Variants in DOCK1 observed in about 807,000 individuals in gnomAD.
DOCK1 encodes dedicator of cytokinesis 1, also known as dedicator of cytokinesis protein 1.
DOCK1 carries 138 observed loss-of-function variants against 262.7 expected under a neutral mutation model. The ratio of observed to expected loss-of-function variants is 0.53; its 90% CI spans 0.46 to 0.61. The LOEUF (loss-of-function observed/expected upper bound fraction) is 0.61, where lower values mean the gene tolerates loss of function less well. DOCK1 is among the 20% of genes least tolerant of loss of function. DOCK1 has a pLI of 0.00. For synonymous variants in DOCK1, 866 were observed against 867.4 expected (o/e 1.00, Z 0.03); for missense variants, 1,908 against 2,370.7 (o/e 0.80, Z 4.05).
chr10:126,986,906 T>C (rs2039441209), intron 4 of DOCK1, among the ~76,000 whole-genome samples: 1 of 152,046 alleles, frequency 6.6e-6, no homozygotes, highest in African/African-American at 2.4e-5. Flanking sequence ...CGAGACACCG[T>C]TTCAAAAAAG....
At chr10:127,368,015 C>A (rs2065019056) in intron 33 of DOCK1, among the ~76,000 whole-genome samples, 1 of 152,180 alleles carries the variant, frequency 6.6e-6, no homozygotes, top group Admixed American at 6.5e-5. Flanking sequence ...CACTCTTGTG[C>A]CACTTCCCTG....
intron 27 of DOCK1, among the ~76,000 whole-genome samples, chr10:127,177,701 C>G (rs564048787): frequency 1.3e-5 from 2 of 152,334 alleles, no homozygotes; most frequent in Admixed American, 6.5e-5. Flanking sequence ...AAAACCAGCC[C>G]AGAGACCTGT....
chr10:126,940,216 T>A (rs2034883555), intron 1 of DOCK1, among the ~76,000 whole-genome samples: 1 of 152,198 alleles, frequency 6.6e-6, no homozygotes. Flanking sequence ...TATTTGGGGA[T>A]TCAGTGATTT....
intron 27 of DOCK1, among the ~76,000 whole-genome samples, chr10:127,157,484 AC>A (rs2053196369): frequency 6.6e-6 from 1 of 152,208 alleles, no homozygotes; most frequent in Admixed American, 6.5e-5. Context: ...ACACTTCTTG[AC>A]TTTTACTCTC....
In DOCK1 at chr10:127,175,328, G is replaced by A. The variant is rs1425326584; in HGVS notation, c.2847+47564G>A. 9 of 1,613,902 alleles carry A rather than the reference G, an allele frequency of 5.6e-6. No homozygotes were observed. The highest frequency in any genetic ancestry group is 7.6e-6 in the Non-Finnish European group (9 of 1,180,026). ...TCATCTGAAGTTGTGCTTTGAGGTC[G>A]ACCACTTCCGTATGAGGCACGATTC... On this transcript the variant is annotated intron_variant, in intron 27 of 51. Transcript: ENST00000623213. This position sits in a 1 kb window ranked among gnomAD's most constrained non-coding sequence, Gnocchi z 6.3.
intron 26 of DOCK1, among the ~76,000 whole-genome samples, chr10:127,126,081 T>C (rs1277194971): frequency 8.3e-6 from 1 of 120,202 alleles, no homozygotes; most frequent in Admixed American, 1.0e-4. Context: ...AGCTCTACCC[T>C]ATTCCTTTTT....
At chr10:127,311,024 T>A (rs1283802213) in intron 29 of DOCK1, among the ~76,000 whole-genome samples, 3 of 152,226 alleles carry the variant, frequency 2.0e-5, no homozygotes. Context: ...TACAGAGATA[T>A]TTGAAGATGA....
rs74547837 is a variant in DOCK1, at chr10:127,408,483, C to T, written c.4123-554C>T. ...CTCGGCTCTGGTCTGCATCCCTTCC[C>T]CTCGGGTTCTGCTCGCCTCGGCTGT... On this transcript the variant is annotated intron_variant, in intron 40 of 51. Coordinates refer to ENST00000623213, the MANE Select transcript of DOCK1 (RefSeq NM_001290223.2). Among the ~76,000 whole-genome samples the T allele has an allele frequency of 2.5e-3, 387 of 152,326 alleles. 2 individuals are homozygous for T. Among genetic ancestry groups the T allele is most frequent in the African/African-American group, 8.9e-3 (369 of 41,570 alleles).
intron 23 of DOCK1, among the ~76,000 whole-genome samples, chr10:127,096,662 A>G (rs1485671320): frequency 6.6e-6 from 1 of 151,820 alleles, no homozygotes; most frequent in East Asian, 1.9e-4. Flanking sequence ...ATTAATCATC[A>G]TCATCAGTAA....
At chr10:126,972,221 C>T (rs893470073) in intron 2 of DOCK1, among the ~76,000 whole-genome samples, 1 of 152,152 alleles carries the variant, frequency 6.6e-6, no homozygotes, top group East Asian at 1.9e-4. Context: ...CGTCCTGAAG[C>T]AATTGTTATA....
intron 1 of DOCK1, among the ~76,000 whole-genome samples, chr10:126,946,586 C>T (rs2035425331): frequency 1.3e-5 from 2 of 152,068 alleles, no homozygotes; most frequent in African/African-American, 4.8e-5. Context: ...GTCCCCTCAG[C>T]CTCCGTTAAC....
At chr10:127,209,739 T>G (rs1325935911) in intron 27 of DOCK1, among the ~76,000 whole-genome samples, 1 of 152,122 alleles carries the variant, frequency 6.6e-6, no homozygotes, top group Admixed American at 6.5e-5. Flanking sequence ...AAAATCAACA[T>G]GTCCCACAAA....
At chr10:126,909,072 G>A (rs965063338) in intron 1 of DOCK1, among the ~76,000 whole-genome samples, 10 of 152,170 alleles carry the variant, frequency 6.6e-5, no homozygotes, top group African/African-American at 2.4e-4. Context: ...CTTGGAATTC[G>A]TAGATGGGAG....
chr10:127,195,014 C>T (rs577050308), intron 27 of DOCK1, among the ~76,000 whole-genome samples: 149 of 152,290 alleles, frequency 9.8e-4, no homozygotes, highest in African/African-American at 3.5e-3. Context: ...ATAAGCAAAA[C>T]GCACCCATTT....
intron 29 of DOCK1, among the ~76,000 whole-genome samples, chr10:127,294,839 G>C (rs1261888619): frequency 6.6e-6 from 1 of 150,560 alleles, no homozygotes. Flanking sequence ...ACGAGTTTTC[G>C]CCACATTGGC....
At chr10:127,261,262 GGTGTGTGT>G (rs372749900) in intron 29 of DOCK1, among the ~76,000 whole-genome samples, 3 of 85,144 alleles carry the variant, frequency 3.5e-5, no homozygotes, top group African/African-American at 1.4e-4. Context: ...TGTGCATGTG[GGTGTGTGT>G]GTGTGCCTGC....
At chr10:127,316,802 A>G (rs565947910) in intron 29 of DOCK1, among the ~76,000 whole-genome samples, 37 of 152,260 alleles carry the variant, frequency 2.4e-4, no homozygotes, top group African/African-American at 8.9e-4. Context: ...CCTTGCTGCA[A>G]ACACCTGCTC....
At chr10:127,268,539 A>C (rs980916843) in intron 29 of DOCK1, among the ~76,000 whole-genome samples, 8 of 151,650 alleles carry the variant, frequency 5.3e-5, no homozygotes, top group Non-Finnish European at 1.0e-4. Flanking sequence ...GAAAGAAAGA[A>C]AGAAATATAT....
chr10:127,401,257 G>A (rs1416398356), intron 38 of DOCK1, among the ~76,000 whole-genome samples: 2 of 152,164 alleles, frequency 1.3e-5, no homozygotes, highest in African/African-American at 4.8e-5. Context: ...CTCCCACGTG[G>A]CGGTGTTACT....
Sources: gnomAD v4.1 joint callset for allele counts (sites outside exome capture counted in the v4.1 genomes callset) on GRCh38, gnomAD v4.1.1 for gene constraint, Gnocchi (gnomAD v3.1) non-coding constraint, MANE v1.5 for transcripts, NCBI Gene and HGNC (gene_info 2026-07-23, HGNC 2026-07-21) for gene names.